The following COL17A1 variants were observed in gnomAD, a reference collection of about 807,000 sequenced individuals.
COL17A1 encodes the protein collagen type XVII alpha 1 chain.
Under a neutral mutation model 218.4 loss-of-function variants are expected in COL17A1, and 181 were observed. That is an observed-to-expected ratio of 0.83 (90% confidence interval 0.73 to 0.94). COL17A1 has a LOEUF of 0.94. COL17A1 is among the 40% of genes least tolerant of loss of function. COL17A1 has a pLI of 0.00. For missense variants in COL17A1, 1,924 were observed against 1,945.9 expected (o/e 0.99, Z 0.21); for synonymous variants, 721 against 731.0 (o/e 0.99, Z 0.22).
intron 46 of COL17A1, among the ~76,000 whole-genome samples, chr10:104,037,373 A>G (rs1358699137): frequency 4.6e-5 from 7 of 151,472 alleles, no homozygotes; most frequent in Admixed American, 4.6e-4. Flanking sequence ...ACCTTCATGC[A>G]CAGGTGGGAA....
chr10:104,047,058 G>A (rs1040600111), intron 31 of COL17A1, among the ~76,000 whole-genome samples: 9 of 152,248 alleles, frequency 5.9e-5, no homozygotes, highest in Non-Finnish European at 7.4e-5. Context: ...CCACAAATCC[G>A]GAATGCTCAA....
Position 104,034,247 on chromosome 10 carries a change from T to C in COL17A1, c.3854A>G (p.Asp1285Gly). The change falls in exon 52 of 56, where the codon GAT becomes GGT. Residue 1285 changes from aspartate to glycine, a missense_variant. Physicochemically the swap from Asp to Gly is moderately conservative, Grantham distance 94. Coordinates refer to ENST00000648076, the MANE Select transcript of COL17A1 (RefSeq NM_000494.4). ...GCTGCTACCCCGACTGTGGGAGGCATCCGTGGACAGGAGGCGGCTGTCCCC... is the reference window on the plus strand; with the variant it reads ...GCTGCTACCCCGACTGTGGGAGGCACCCGTGGACAGGAGGCGGCTGTCCCC... ...PPGDSRLLST[D>G]ASHSRGSSSS... is the part of the protein sequence containing the mutation. 6.2e-7 allele frequency: 1 copy of C among 1,610,114 alleles called. No individual in the cohort carries two copies. Among genetic ancestry groups the C allele is most frequent in the Non-Finnish European group, 8.5e-7 (1 of 1,179,090 alleles).
intron 20 of COL17A1, among the ~76,000 whole-genome samples, chr10:104,054,589 G>A (rs2086501623): frequency 6.6e-6 from 1 of 152,178 alleles, no homozygotes; most frequent in Admixed American, 6.5e-5. Context: ...CCTAGGGAGT[G>A]AGGAGGGAGC....
At chr10:104,036,342 G>C in intron 48 of COL17A1, 150 bp downstream of exon 48, 2 of 1,174,692 alleles carry the variant, frequency 1.7e-6, no homozygotes, top group South Asian at 2.6e-5. Context: ...AGGCTCACAG[G>C]TTTGAACGGC....
At chr10:104,070,666 G>A (rs2086662044) in intron 8 of COL17A1, 97 bp from the exon 9 acceptor site, 2 of 1,608,356 alleles carry the variant, frequency 1.2e-6, no homozygotes, top group African/African-American at 1.3e-5. Flanking sequence ...TGACTACTGG[G>A]GAGAATGGCA....
At chr10:104,043,425 T>A in intron 35 of COL17A1, 76 bp downstream of exon 35, 1 of 1,351,992 alleles carries the variant, frequency 7.4e-7, no homozygotes, top group Non-Finnish European at 1.0e-6. Flanking sequence ...GGTTTCAGGA[T>A]CTGAAGAAAT....
chr10:104,055,768 G>T lies in COL17A1; in HGVS notation c.1687+14C>A. ...ACTCAGGGGAGCTGGCCCTGTGCCC[G>T]GCGATGCTCTCACCATTTTCCTGTT... On this transcript the variant is annotated intron_variant, in intron 18 of 55. Transcript: ENST00000648076. 1 of 1,613,512 alleles carries T rather than the reference G, an allele frequency of 6.2e-7. No homozygotes were observed. Among genetic ancestry groups the T allele is most frequent in the Non-Finnish European group, 8.5e-7 (1 of 1,180,002 alleles).
chr10:104,056,861 G>A (rs2086533013), intron 17 of COL17A1, 114 bp downstream of exon 17: 1 of 1,535,590 alleles, frequency 6.5e-7, no homozygotes, highest in African/African-American at 1.4e-5. Context: ...AATGCATTCA[G>A]GTCCCCTCGC....
At chr10:104,071,849 C>T (rs1420257347) in intron 8 of COL17A1, among the ~76,000 whole-genome samples, 183 bp downstream of exon 8, 1 of 152,090 alleles carries the variant, frequency 6.6e-6, no homozygotes, top group Non-Finnish European at 1.5e-5. Flanking sequence ...AGCGGCTTAA[C>T]CCCAGCCACC....
chr10:104,042,303 T>C, intron 36 of COL17A1, 117 bp downstream of exon 36: 1 of 1,123,686 alleles, frequency 8.9e-7, no homozygotes. Flanking sequence ...GGCCCTGTCC[T>C]CCTTTTCCAA....
Position 104,064,279 on chromosome 10 carries a change from T to C in COL17A1, c.766+159A>G, listed in dbSNP as rs140263312. On this transcript the variant is annotated intron_variant, in intron 10 of 55. Transcript: ENST00000648076. Reference sequence around the variant, plus strand: ...AGAAGCAATACCTTCTAGATTGAATTGAACTGAAGTTCCAGGGGGAATCTC... The same window carrying C: ...AGAAGCAATACCTTCTAGATTGAATCGAACTGAAGTTCCAGGGGGAATCTC... Among the ~76,000 whole-genome samples the C allele has an allele frequency of 3.8e-3, 582 of 152,356 alleles. 2 individuals carry two copies. The highest frequency in any genetic ancestry group is 6.5e-3 in the Admixed American group (99 of 15,304).
chr10:104,048,299 T>C, intron 29 of COL17A1, 195 bp from the exon 30 acceptor site: 1 of 748,062 alleles, frequency 1.3e-6, no homozygotes, highest in Non-Finnish European at 2.5e-6. Flanking sequence ...AGCAATTGTC[T>C]CTTTTCCTGT....
chr10:104,034,652 G>A lies in COL17A1; in HGVS notation c.3735C>T (p.Ser1245=). 6.2e-7 allele frequency: 1 copy of A among 1,610,394 alleles called. No individual in the cohort carries two copies. Among genetic ancestry groups the A allele is most frequent in the Non-Finnish European group, 8.5e-7 (1 of 1,178,630 alleles). ...LATYAAENSD[S]FRSELISYLT... ...GGTAGCTGATCAGCTCGCTCCGGAA[G>A]CTGTCGCTGTTTTCAGCTGCATAGG... Residue 1245 remains serine (S), a synonymous_variant, in exon 51 of 56, where the codon AGC becomes AGT. Transcript: ENST00000648076.
rs757301753 is a variant in COL17A1, at chr10:104,034,613, G to A, written c.3766+8C>T. On this transcript the variant is annotated splice_region_variant and intron_variant, in intron 51 of 55. Transcript: ENST00000648076. ...TGCCTGGTGGGGCATCACCGTCGGG[G>A]CACCTACTTGTGAGGTAGCTGATCA... 6.2e-7 allele frequency: 1 copy of A among 1,608,680 alleles called. No individual in the cohort carries two copies. The highest frequency in any genetic ancestry group is 8.5e-7 in the Non-Finnish European group (1 of 1,177,578).
intron 33 of COL17A1, among the ~76,000 whole-genome samples, chr10:104,044,886 C>T (rs963951639): frequency 1.3e-5 from 2 of 152,104 alleles, no homozygotes; most frequent in African/African-American, 4.8e-5. Flanking sequence ...TGCCTGGGAC[C>T]TATAAACTCA....
At chr10:104,071,933 C>G (rs1236289007) in intron 8 of COL17A1, 99 bp downstream of exon 8, 1 of 1,548,430 alleles carries the variant, frequency 6.5e-7, no homozygotes, top group Non-Finnish European at 8.9e-7. Flanking sequence ...CATGTGTGTG[C>G]ATGCATGCAC....
At chr10:104,075,274 C>T (rs1245329349) in intron 5 of COL17A1, among the ~76,000 whole-genome samples, 1 of 152,168 alleles carries the variant, frequency 6.6e-6, no homozygotes, top group East Asian at 1.9e-4. Context: ...CCACTGCCTG[C>T]TTGCTACCCT....
At chr10:104,048,296 G>A in intron 29 of COL17A1, 192 bp from the exon 30 acceptor site, 2 of 754,066 alleles carry the variant, frequency 2.7e-6, no homozygotes, top group East Asian at 2.5e-5. Context: ...ACCAGCAATT[G>A]TCTCTTTTCC....
At chr10:104,056,140 T>C (rs2086523304) in intron 17 of COL17A1, 137 bp from the exon 18 acceptor site, 1 of 1,055,726 alleles carries the variant, frequency 9.5e-7, no homozygotes, top group Non-Finnish European at 1.4e-6. Flanking sequence ...CATGCAGAGA[T>C]AATCTGCCGT....
Sources: gnomAD v4.1 joint callset for allele counts (sites outside exome capture counted in the v4.1 genomes callset) on GRCh38, gnomAD v4.1.1 for gene constraint, MANE v1.5 for transcripts, NCBI Gene and HGNC (gene_info 2026-07-23, HGNC 2026-07-21) for gene names.